Variants in TMEFF1 observed in about 807,000 individuals in gnomAD.
TMEFF1 encodes transmembrane protein with EGF like and two follistatin like domains 1.
A neutral mutation model predicts 47.5 loss-of-function variants in TMEFF1; 20 were observed. The ratio of observed to expected loss-of-function variants is 0.42; its 90% CI spans 0.30 to 0.61. TMEFF1 has a LOEUF of 0.61. TMEFF1 is among the 20% of genes least tolerant of loss of function. The probability of loss-of-function intolerance (pLI) is 0.19; values close to 1 mark genes in which losing one functional copy is unlikely to be tolerated. For synonymous variants in TMEFF1, 162 were observed against 166.3 expected (o/e 0.97, Z 0.20); for missense variants, 411 against 471.1 (o/e 0.87, Z 1.18).
intron 5 of TMEFF1, among the ~76,000 whole-genome samples, chr9:100,529,909 C>T (rs1311464615): frequency 6.6e-6 from 1 of 152,116 alleles, no homozygotes; most frequent in Non-Finnish European, 1.5e-5. Flanking sequence ...GACCGCAGTG[C>T]AATCAAACTA....
chr9:100,548,480 C>T (rs575270240), intron 6 of TMEFF1, among the ~76,000 whole-genome samples: 1 of 152,196 alleles, frequency 6.6e-6, no homozygotes, highest in Admixed American at 6.5e-5. Context: ...GTTTTCCACC[C>T]CTACTAGAAA....
intron 5 of TMEFF1, among the ~76,000 whole-genome samples, chr9:100,544,903 C>T (rs1031242200): frequency 6.6e-6 from 1 of 152,246 alleles, no homozygotes; most frequent in Non-Finnish European, 1.5e-5. Flanking sequence ...CTAAAATGAT[C>T]TCCTTTGACT....
At chr9:100,557,959 G>A (rs559644280) in intron 7 of TMEFF1, among the ~76,000 whole-genome samples, 40 of 152,016 alleles carry the variant, frequency 2.6e-4, no homozygotes, top group South Asian at 2.1e-4. Context: ...GAATTCGGAC[G>A]TTGTCACAGG....
At chr9:100,491,912 G>T (rs1356483662) in intron 1 of TMEFF1, among the ~76,000 whole-genome samples, 2 of 141,676 alleles carry the variant, frequency 1.4e-5, no homozygotes, top group African/African-American at 5.3e-5. Context: ...ACAGAGTCTC[G>T]CTCTGTAGCC....
At chr9:100,542,917 C>G (rs1219945412) in intron 5 of TMEFF1, among the ~76,000 whole-genome samples, 1 of 145,660 alleles carries the variant, frequency 6.9e-6, no homozygotes, top group Non-Finnish European at 1.5e-5. Flanking sequence ...CCATCTCTCT[C>G]TCTCTCTTTT....
chr9:100,569,241 G>A (rs755686214), intron 8 of TMEFF1, among the ~76,000 whole-genome samples: 9 of 152,088 alleles, frequency 5.9e-5, no homozygotes, highest in Admixed American at 3.3e-4. Context: ...TTAGGCTATC[G>A]TAGTAACTGT....
intron 5 of TMEFF1, among the ~76,000 whole-genome samples, chr9:100,521,428 C>T (rs1057263232): frequency 2.0e-5 from 3 of 152,168 alleles, no homozygotes; most frequent in Non-Finnish European, 4.4e-5. Flanking sequence ...AAGTGGGTTT[C>T]AGTATTTCAC....
intron 2 of TMEFF1, among the ~76,000 whole-genome samples, chr9:100,508,472 T>C (rs1837903114): frequency 6.6e-6 from 1 of 151,896 alleles, no homozygotes; most frequent in Admixed American, 6.6e-5. Context: ...ACTGATTTGG[T>C]ACATGATCTA....
Position 100,505,135 on chromosome 9 carries a change from C to T in TMEFF1, c.307-3870C>T, listed in dbSNP as rs190095695. ...TGGATTAAAAAAATTAAAAGCAGGTCGGGCGCGGTGGCTCATGCCTGTAAT... is the reference window on the plus strand; with the variant it reads ...TGGATTAAAAAAATTAAAAGCAGGTTGGGCGCGGTGGCTCATGCCTGTAAT... On this transcript the variant is annotated intron_variant, in intron 2 of 9. Coordinates refer to ENST00000374879, the MANE Select transcript of TMEFF1 (RefSeq NM_003692.5). Among the ~76,000 whole-genome samples, 65 of 151,986 alleles carry T rather than the reference C, an allele frequency of 4.3e-4. No individual in the cohort carries two copies. In the East Asian group the frequency reaches 5.6e-3, roughly 13 times the overall value.
intron 5 of TMEFF1, among the ~76,000 whole-genome samples, chr9:100,540,206 C>T (rs559923509): frequency 1.3e-5 from 2 of 151,898 alleles, no homozygotes; most frequent in South Asian, 2.1e-4. Flanking sequence ...TTTAGGTAGA[C>T]ACAAAAGTTC....
At chr9:100,528,334 A>C (rs1281011079) in intron 5 of TMEFF1, among the ~76,000 whole-genome samples, 1 of 149,456 alleles carries the variant, frequency 6.7e-6, no homozygotes, top group Non-Finnish European at 1.5e-5. Context: ...AACAAGTTGA[A>C]AACTTTGAAA....
intron 5 of TMEFF1, among the ~76,000 whole-genome samples, chr9:100,533,851 T>C (rs546948160): frequency 6.6e-6 from 1 of 152,302 alleles, no homozygotes; most frequent in East Asian, 1.9e-4. Flanking sequence ...CCCGAGTAGC[T>C]GGGATTACAG....
chr9:100,482,204 C>A (rs72735134), intron 1 of TMEFF1, among the ~76,000 whole-genome samples: 1 of 146,790 alleles, frequency 6.8e-6, no homozygotes, highest in South Asian at 2.1e-4. Context: ...TCTTTCTTTT[C>A]TTTTTTTTTT....
At chr9:100,569,345 C>G (rs1025294070) in intron 8 of TMEFF1, among the ~76,000 whole-genome samples, 1 of 152,090 alleles carries the variant, frequency 6.6e-6, no homozygotes, top group Non-Finnish European at 1.5e-5. Context: ...ATTTGTATAT[C>G]TTCTCTGGAG....
chr9:100,528,933 T>C (rs1838321001), intron 5 of TMEFF1, among the ~76,000 whole-genome samples: 2 of 143,966 alleles, frequency 1.4e-5, no homozygotes, highest in Non-Finnish European at 1.5e-5. Flanking sequence ...TGGGGGCCAA[T>C]ATTCAACATT....
At chr9:100,526,955 C>CAAAAAAAAA (rs55736750) in intron 5 of TMEFF1, among the ~76,000 whole-genome samples, 20 of 38,956 alleles carry the variant, frequency 5.1e-4, no homozygotes, top group South Asian at 2.0e-3. Context: ...GCTAAAAATA[C>CAAAAAAAAA]AAAAAAAAAA....
intron 4 of TMEFF1, among the ~76,000 whole-genome samples, chr9:100,513,691 A>C (rs1281289526): frequency 1.3e-5 from 2 of 152,082 alleles, no homozygotes; most frequent in Non-Finnish European, 2.9e-5. Flanking sequence ...AAGATGTTGT[A>C]GTTTCTGTTA....
intron 7 of TMEFF1, among the ~76,000 whole-genome samples, chr9:100,551,884 A>T (rs578079797): frequency 6.6e-6 from 1 of 152,282 alleles, no homozygotes; most frequent in African/African-American, 2.4e-5. Flanking sequence ...AAAAGTTGAG[A>T]TTAATTTTTG....
intron 1 of TMEFF1, among the ~76,000 whole-genome samples, chr9:100,493,561 A>G (rs1263682702): frequency 1.3e-5 from 2 of 152,166 alleles, no homozygotes; most frequent in Non-Finnish European, 2.9e-5. Flanking sequence ...CAAGTTTTAC[A>G]TTTTGAGAAT....
Sources: allele counts gnomAD v4.1 joint callset (sites outside exome capture counted in the v4.1 genomes callset), GRCh38; gene constraint gnomAD v4.1.1; transcripts MANE v1.5; gene names NCBI Gene and HGNC (gene_info 2026-07-23, HGNC 2026-07-21).